The following RPH3A variants were observed in gnomAD, a reference collection of about 807,000 sequenced individuals.
The protein encoded by RPH3A is rabphilin 3A, also known as rabphilin-3A.
In RPH3A, 48 loss-of-function variants were observed where a neutral mutation model predicts 102.2. The observed-to-expected ratio is 0.47, with a 90% CI of 0.37 to 0.60. The LOEUF (loss-of-function observed/expected upper bound fraction) is 0.60, where lower values mean the gene tolerates loss of function less well. Among genes scored for constraint, RPH3A ranks in the 20% least tolerant of loss-of-function variants. The pLI is 0.00. For missense variants in RPH3A, 781 were observed against 910.1 expected, an observed-to-expected ratio of 0.86 and a Z score of 1.83; for synonymous variants, 310 against 324.3, an observed-to-expected ratio of 0.96 and a Z score of 0.47.
At chr12:112,753,659 G>A (rs552629109) in intron 1 of RPH3A, among the ~76,000 whole-genome samples, 2 of 152,292 alleles carry the variant, frequency 1.3e-5, no homozygotes, top group East Asian at 1.9e-4. Context: ...TAAGATTGAC[G>A]ATTTCACAGA....
intron 1 of RPH3A, among the ~76,000 whole-genome samples, chr12:112,671,972 C>G (rs898521395): frequency 6.6e-6 from 1 of 150,706 alleles, no homozygotes; most frequent in Non-Finnish European, 1.5e-5. Flanking sequence ...CTTAAGACAA[C>G]AACTATTTAT....
At chr12:112,765,055 TGCTGGTG>T (rs2040878688) in intron 1 of RPH3A, among the ~76,000 whole-genome samples, 1 of 152,226 alleles carries the variant, frequency 6.6e-6, no homozygotes, top group Non-Finnish European at 1.5e-5. Context: ...ATTTTTCAGC[TGCTGGTG>T]TGAGAGAGGA....
chr12:112,678,295 A>AGAGAG lies in RPH3A; in HGVS notation c.-140+102976_-140+102977insGAGAG, dbSNP rs1566255284. ...AAAGAAAGAAAGAAAGAAAGAAAGA[A>AGAGAG]AGAAAGAAAGAGAGAGAGAGAGAAA... On this transcript the variant is annotated intron_variant, in intron 1 of 21. Transcript: ENST00000543106. Among the ~76,000 whole-genome samples, 239 of 34,832 alleles carry AGAGAG rather than the reference A, an allele frequency of 6.9e-3. 35 individuals are homozygous for AGAGAG. Among genetic ancestry groups the AGAGAG allele is most frequent in the African/African-American group, 0.02 (171 of 8,622 alleles). The allele number at this position is 34,832 out of a possible 152,430, so 22.9% of individuals were successfully genotyped here.
intron 1 of RPH3A, among the ~76,000 whole-genome samples, chr12:112,577,838 T>G (rs112638700): frequency 6.6e-6 from 1 of 152,112 alleles, no homozygotes; most frequent in Non-Finnish European, 1.5e-5. Flanking sequence ...CCACTGTGCC[T>G]GGCCTAGGCT....
intron 2 of RPH3A, among the ~76,000 whole-genome samples, chr12:112,815,797 G>T (rs1468031919): frequency 6.6e-6 from 1 of 152,222 alleles, no homozygotes; most frequent in Non-Finnish European, 1.5e-5. Flanking sequence ...GTCTGTGTGT[G>T]CATGTGTTGA....
intron 1 of RPH3A, among the ~76,000 whole-genome samples, chr12:112,602,379 A>G (rs1033875229): frequency 3.9e-5 from 6 of 152,126 alleles, no homozygotes; most frequent in African/African-American, 1.4e-4. Context: ...CTCAATTTGC[A>G]TGTTAAAGGA....
chr12:112,839,212 A>G (rs1426239969), intron 4 of RPH3A, among the ~76,000 whole-genome samples: 1 of 152,224 alleles, frequency 6.6e-6, no homozygotes, highest in Admixed American at 6.5e-5. Flanking sequence ...AGTGGCTGAA[A>G]GCATTAAAAA....
chr12:112,667,557 A>C (rs1332183811), intron 1 of RPH3A, among the ~76,000 whole-genome samples: 1 of 152,014 alleles, frequency 6.6e-6, no homozygotes. Flanking sequence ...TTATATATAA[A>C]GGGACTGATT....
chr12:112,805,153 A>T (rs111400725), intron 2 of RPH3A, among the ~76,000 whole-genome samples: 2,383 of 152,310 alleles, frequency 0.016, 56 homozygotes, highest in African/African-American at 0.053. Flanking sequence ...TAAACAAAAG[A>T]TTGGTGCCCC....
At chr12:112,839,408 G>A (rs1410745612) in intron 4 of RPH3A, among the ~76,000 whole-genome samples, 2 of 152,082 alleles carry the variant, frequency 1.3e-5, no homozygotes, top group Non-Finnish European at 2.9e-5. Flanking sequence ...TGTTCTCAGG[G>A]ATCTGGGCTT....
chr12:112,628,309 G>C (rs1386537324), intron 1 of RPH3A, among the ~76,000 whole-genome samples: 1 of 152,066 alleles, frequency 6.6e-6, no homozygotes, highest in East Asian at 1.9e-4. Flanking sequence ...GGAATGTTTA[G>C]GTAAAAGCAA....
At chr12:112,706,015 C>A (rs1447741888) in intron 1 of RPH3A, among the ~76,000 whole-genome samples, 1 of 152,094 alleles carries the variant, frequency 6.6e-6, no homozygotes, top group Admixed American at 6.6e-5. Flanking sequence ...GAGAAACAGA[C>A]CCAAACAAAT....
In RPH3A at chr12:112,869,992, G is replaced by T. The variant is rs1565931957; in HGVS notation, c.749G>T (p.Ser250Ile). The T allele has an allele frequency of 6.2e-7, 1 of 1,614,074 alleles. No individual in the cohort carries two copies. Among genetic ancestry groups the T allele is most frequent in the African/African-American group, 1.3e-5 (1 of 74,932 alleles). Residue 250 changes from serine to isoleucine, a missense_variant, in exon 10 of 22, where the codon AGC becomes ATC. By Grantham distance (142) the Ser-to-Ile change is moderately radical. Coordinates refer to ENST00000389385, the MANE Select transcript of RPH3A (RefSeq NM_001143854.2). ...RMSSSSRDSE[S>I]WDHSGGAGDS... ...AGCTCATCTAGCCGAGATTCAGAGAGCTGGGACCACAGTGGGGGTGCTGGA... is the reference window on the plus strand; with the variant it reads ...AGCTCATCTAGCCGAGATTCAGAGATCTGGGACCACAGTGGGGGTGCTGGA...
Position 112,869,877 on chromosome 12 carries a change from A to ATGCTC in RPH3A, c.650-14_650-10dup. The ATGCTC allele has an allele frequency of 6.2e-7, 1 of 1,614,008 alleles. No homozygotes were observed. The highest frequency in any genetic ancestry group is 8.5e-7 in the Non-Finnish European group (1 of 1,179,970). On this transcript the variant is annotated splice_polypyrimidine_tract_variant and intron_variant, in intron 9 of 21. Coordinates refer to ENST00000389385, the MANE Select transcript of RPH3A (RefSeq NM_001143854.2). ...TCGATGCCCTTTCTCTACTCAATTCATGCTCTTCTTTCCAGGCCCTGACCC... is the reference window on the plus strand; with the variant it reads ...TCGATGCCCTTTCTCTACTCAATTCATGCTCTGCTCTTCTTTCCAGGCCCTGACCC...
chr12:112,635,659 C>A (rs540168122), intron 1 of RPH3A, among the ~76,000 whole-genome samples: 1 of 152,222 alleles, frequency 6.6e-6, no homozygotes, highest in South Asian at 2.1e-4. Flanking sequence ...ATCTCCTACC[C>A]CTTTTAGTGA....
intron 1 of RPH3A, among the ~76,000 whole-genome samples, chr12:112,591,108 A>AC (rs1412028565): frequency 6.7e-6 from 1 of 148,190 alleles, no homozygotes. Flanking sequence ...GTATGCCACC[A>AC]CACCCAGATA....
chr12:112,629,828 C>T (rs771826441), intron 1 of RPH3A, among the ~76,000 whole-genome samples: 22 of 152,198 alleles, frequency 1.4e-4, no homozygotes, highest in Non-Finnish European at 2.9e-4. Flanking sequence ...CCCTTATGCA[C>T]TAGGCACAGT....
chr12:112,763,794 T>C (rs1297737771), intron 1 of RPH3A, among the ~76,000 whole-genome samples: 1 of 152,212 alleles, frequency 6.6e-6, no homozygotes, highest in African/African-American at 2.4e-5. Context: ...GAACTAGTTT[T>C]TCAGGTTAAC....
chr12:112,784,155 G>A (rs1368750694), intron 1 of RPH3A, among the ~76,000 whole-genome samples: 2 of 152,180 alleles, frequency 1.3e-5, no homozygotes, highest in African/African-American at 4.8e-5. Context: ...GCGGTGGGTA[G>A]AAAATGTAGA....
Sources: gnomAD v4.1 joint callset for allele counts (sites outside exome capture counted in the v4.1 genomes callset) on GRCh38, gnomAD v4.1.1 for gene constraint, MANE v1.5 for transcripts, NCBI Gene and HGNC (gene_info 2026-07-23, HGNC 2026-07-21) for gene names.